TMEM272: variants seen among roughly 807,000 people sequenced by gnomAD.
TMEM272 encodes long intergenic non-protein coding RNA 282.
A neutral mutation model predicts 3.7 loss-of-function variants in TMEM272; 8 were observed. That is an observed-to-expected ratio of 2.17 (90% CI 1.27 to 3.91). TMEM272 has a LOEUF of 3.91. TMEM272 is among the 30% of genes most tolerant of loss of function. The pLI, the probability that TMEM272 is intolerant of heterozygous loss-of-function variation, is 0.00. For synonymous variants in TMEM272, 63 were observed against 39.8 expected (o/e 1.58, Z -2.20); for missense variants, 166 against 91.5 (o/e 1.81, Z -3.32).
At chr13:51,844,782 G>A (rs1314001847) in intron 1 of TMEM272, among the ~76,000 whole-genome samples, 4 of 152,188 alleles carry the variant, frequency 2.6e-5, no homozygotes, top group Admixed American at 2.6e-4. Flanking sequence ...TCGCCCTGCA[G>A]TTAATTATTC....
chr13:51,924,442 GGGGGT>G, the TMEM272 span, among the ~76,000 whole-genome samples: 1 of 152,110 alleles, frequency 6.6e-6, no homozygotes, highest in African/African-American at 2.4e-5. Flanking sequence ...TCCCAGGAGA[GGGGGT>G]GCTGGGTCTG....
the TMEM272 span, chr13:51,865,384 C>T: frequency 2.5e-6 from 4 of 1,589,028 alleles, no homozygotes; most frequent in Non-Finnish European, 3.4e-6. Flanking sequence ...CCCTCATGGC[C>T]ACCCCGCCAT....
At chr13:51,900,868 A>C in the TMEM272 span, among the ~76,000 whole-genome samples, 2 of 152,258 alleles carry the variant, frequency 1.3e-5, no homozygotes, top group Non-Finnish European at 2.9e-5. Context: ...CAGACACAAA[A>C]AGCCACACGT....
At chr13:51,827,961 T>G (rs964462941) in intron 2 of TMEM272, among the ~76,000 whole-genome samples, 3 of 152,186 alleles carry the variant, frequency 2.0e-5, no homozygotes, top group Admixed American at 6.5e-5. Flanking sequence ...GGTTTCTCCC[T>G]CCCTGGCCAC....
the TMEM272 span, among the ~76,000 whole-genome samples, chr13:51,897,351 A>G: frequency 3.0e-5 from 4 of 134,966 alleles, no homozygotes; most frequent in Non-Finnish European, 4.7e-5. Flanking sequence ...GCATGCCACC[A>G]TGTCTGGCTA....
the TMEM272 span, among the ~76,000 whole-genome samples, chr13:51,892,228 A>G: frequency 6.6e-6 from 1 of 152,136 alleles, no homozygotes; most frequent in Non-Finnish European, 1.5e-5. Flanking sequence ...CTCTTGGAAG[A>G]CTGGGAATCT....
At chr13:51,819,269 G>T (rs902896071) in intron 4 of TMEM272, among the ~76,000 whole-genome samples, 2 of 152,208 alleles carry the variant, frequency 1.3e-5, no homozygotes, top group African/African-American at 4.8e-5. Context: ...ATTGCCTGTA[G>T]TAGGTTGGCT....
chr13:51,821,797 G>A (rs887445669), intron 4 of TMEM272, among the ~76,000 whole-genome samples: 3 of 151,076 alleles, frequency 2.0e-5, no homozygotes, highest in Non-Finnish European at 4.4e-5. Flanking sequence ...ATCAACTCTT[G>A]TCAGACCAAA....
chr13:51,927,467 AATTC>A, the TMEM272 span, among the ~76,000 whole-genome samples: 3 of 152,242 alleles, frequency 2.0e-5, no homozygotes, highest in African/African-American at 7.2e-5. Flanking sequence ...AAGGTGATGT[AATTC>A]TGTCCTGGAG....
At chr13:51,878,135 A>C in the TMEM272 span, among the ~76,000 whole-genome samples, 1 of 152,182 alleles carries the variant, frequency 6.6e-6, no homozygotes, top group South Asian at 2.1e-4. Context: ...CCCCTTATAA[A>C]ACCATCAGAT....
the TMEM272 span, among the ~76,000 whole-genome samples, chr13:51,894,368 C>T: frequency 6.6e-6 from 1 of 152,158 alleles, no homozygotes; most frequent in African/African-American, 2.4e-5. Context: ...ACAGGAAATA[C>T]CAGCTTTATG....
the TMEM272 span, among the ~76,000 whole-genome samples, chr13:51,854,916 C>T: frequency 6.6e-6 from 1 of 152,082 alleles, no homozygotes; most frequent in Non-Finnish European, 1.5e-5. Context: ...ATGAGTACTG[C>T]ACTAGGTAAA....
chr13:51,925,895 G>A, the TMEM272 span, among the ~76,000 whole-genome samples: 101 of 152,312 alleles, frequency 6.6e-4, no homozygotes, highest in Admixed American at 1.5e-3. Flanking sequence ...TTAGCTGTGT[G>A]TGTAGTAGTG....
chr13:51,859,902 T>TG, the TMEM272 span, among the ~76,000 whole-genome samples: 36 of 151,962 alleles, frequency 2.4e-4, no homozygotes, highest in African/African-American at 6.8e-4. Flanking sequence ...CTATTTTTTT[T>TG]TTTGTTTTGA....
chr13:51,889,173 T>A, the TMEM272 span, among the ~76,000 whole-genome samples: 1 of 152,086 alleles, frequency 6.6e-6, no homozygotes, highest in Non-Finnish European at 1.5e-5. Flanking sequence ...GGTAGAAGAG[T>A]ATCTTTTTTA....
the TMEM272 span, among the ~76,000 whole-genome samples, chr13:51,880,030 T>C: frequency 2.0e-3 from 302 of 152,312 alleles, no homozygotes; most frequent in African/African-American, 6.9e-3. Flanking sequence ...AATTCATTGT[T>C]CTTCCCTTTA....
At position 51,814,629 on chromosome 13, in the gene TMEM272, T is replaced by C. The variant is rs1543525; in HGVS notation, c.*2122A>G. The C allele has an allele frequency of 0.47, 72,053 of 152,118 alleles. 19,812 individuals are homozygous for C. The highest frequency in any genetic ancestry group is 0.61 in the South Asian group (2,948 of 4,826). 9.4% of individuals were successfully genotyped at this position (152,118 alleles called of 1,614,324 possible). A position where few individuals can be genotyped will look rare whatever the true frequency, so the allele number is the denominator to read the frequency against. ...ACAAGAAAACTCAAAGCTAAAAATA[T>C]AGTCCAGATTTTAGCAATTATTTAG... On this transcript the variant is annotated 3_prime_UTR_variant, in exon 5 of 5. Transcript: ENST00000629372.
the TMEM272 span, chr13:51,865,366 C>T: frequency 5.2e-5 from 81 of 1,567,384 alleles, no homozygotes; most frequent in Middle Eastern, 3.6e-4. Context: ...GGCCAAGGGT[C>T]CTGTCATCCC....
chr13:51,875,321 C>CATTTTTTTTTTCA, the TMEM272 span, among the ~76,000 whole-genome samples: 1 of 152,062 alleles, frequency 6.6e-6, no homozygotes, highest in African/African-American at 2.4e-5. Context: ...CTCCAGAACT[C>CATTTTTTTTTTCA]ATTTTTTTTT....
Sources: gnomAD v4.1 joint callset for allele counts (sites outside exome capture counted in the v4.1 genomes callset) on GRCh38, gnomAD v4.1.1 for gene constraint, MANE v1.5 for transcripts, NCBI Gene and HGNC (gene_info 2026-07-23, HGNC 2026-07-21) for gene names.